The following ST3GAL3 variants were observed in gnomAD, a reference collection of about 807,000 sequenced individuals.
ST3GAL3 encodes ST3 beta-galactoside alpha-2,3-sialyltransferase 3.
A neutral mutation model predicts 50.1 loss-of-function variants in ST3GAL3; 21 were observed. The observed-to-expected ratio is 0.42, with a 90% CI of 0.30 to 0.60. The LOEUF is 0.60. Among genes scored for constraint, ST3GAL3 ranks in the 20% least tolerant of loss-of-function variants. The pLI is 0.19. For missense variants in ST3GAL3, 353 were observed against 489.4 expected (o/e 0.72, Z 2.63); for synonymous variants, 183 against 190.0 (o/e 0.96, Z 0.30).
intron 4 of ST3GAL3, among the ~76,000 whole-genome samples, chr1:43,833,695 T>A (rs1385280315): frequency 1.3e-5 from 2 of 151,936 alleles, no homozygotes; most frequent in African/African-American, 4.8e-5. Flanking sequence ...TTGTTGCCTG[T>A]GGAAATGAGA....
intron 2 of ST3GAL3, among the ~76,000 whole-genome samples, chr1:43,765,369 C>CT (rs1296080991): frequency 6.6e-6 from 1 of 152,194 alleles, no homozygotes; most frequent in Non-Finnish European, 1.5e-5. Context: ...AGTTCATGTG[C>CT]TTCCCTGCAG....
chr1:43,856,815 T>G (rs3791085), intron 5 of ST3GAL3, among the ~76,000 whole-genome samples: 1 of 152,262 alleles, frequency 6.6e-6, no homozygotes, highest in East Asian at 1.9e-4. Flanking sequence ...CTGAGCTTAC[T>G]GCCTCCTCCA....
At chr1:43,825,644 G>A (rs1424266990) in intron 4 of ST3GAL3, among the ~76,000 whole-genome samples, 4 of 152,202 alleles carry the variant, frequency 2.6e-5, no homozygotes, top group Non-Finnish European at 5.9e-5. Context: ...GAGATAACAA[G>A]GAGAAATATG....
At chr1:43,895,439 C>T (rs1216312532) in intron 6 of ST3GAL3, among the ~76,000 whole-genome samples, 1 of 152,186 alleles carries the variant, frequency 6.6e-6, no homozygotes, top group African/African-American at 2.4e-5. Context: ...ACTTATGGGT[C>T]AGGCACAGAG....
intron 5 of ST3GAL3, among the ~76,000 whole-genome samples, chr1:43,846,002 G>A (rs1342247307): frequency 3.3e-5 from 5 of 152,052 alleles, no homozygotes; most frequent in South Asian, 2.1e-4. Context: ...CCAAATATAC[G>A]TTATATGATT....
At chr1:43,837,876 C>T (rs1329118584) in intron 4 of ST3GAL3, among the ~76,000 whole-genome samples, 1 of 152,134 alleles carries the variant, frequency 6.6e-6, no homozygotes. Context: ...ACTTATTTAT[C>T]TATCTATTCC....
chr1:43,848,407 G>A lies in ST3GAL3; in HGVS notation c.302+10096G>A, dbSNP rs549187440. 7.2e-4 allele frequency among the ~76,000 whole-genome samples: 104 copies of A among 144,912 alleles called. 1 individual carries two copies. The highest frequency in any genetic ancestry group is 3.6e-3 in the Middle Eastern group (1 of 278). The stretch of plus-strand genomic sequence containing the variant: ...TGCAACCTCCGCCTCCTGGGTTCAA[G>A]CAATTCTCCTACCTCAGCCTCCCGA... On this transcript the variant is annotated intron_variant, in intron 5 of 11. Transcript: ENST00000347631.
At chr1:43,830,810 A>G (rs184302310) in intron 4 of ST3GAL3, among the ~76,000 whole-genome samples, 5 of 152,354 alleles carry the variant, frequency 3.3e-5, no homozygotes, top group East Asian at 3.9e-4. Context: ...CCCAATAGGC[A>G]TACATTTATG....
intron 2 of ST3GAL3, among the ~76,000 whole-genome samples, chr1:43,741,361 A>G (rs187994987): frequency 1.3e-5 from 2 of 152,182 alleles, no homozygotes; most frequent in African/African-American, 4.8e-5. Flanking sequence ...AATTAAATTC[A>G]TGCTACTGTG....
intron 5 of ST3GAL3, chr1:43,858,304 G>A: frequency 7.8e-7 from 1 of 1,275,612 alleles, no homozygotes; most frequent in Non-Finnish European, 1.0e-6. Context: ...ACTATGCTGG[G>A]AAAGGTGGGG....
rs147833202 is a variant in ST3GAL3, at chr1:43,734,386, C to G, written c.-30-1847C>G. ...GTGGCACGCTCACAACTCACTGCAG[C>G]CTCAACCTCCTGGGCTTAAAGGATC... On this transcript the variant is annotated intron_variant, in intron 1 of 11. Coordinates refer to ENST00000347631, the MANE Select transcript of ST3GAL3 (RefSeq NM_006279.5). 2.1e-4 allele frequency among the ~76,000 whole-genome samples: 32 copies of G among 149,260 alleles called. 1 individual carries two copies. The East Asian group carries it at 5.8e-3, about 27-fold the overall frequency.
At chr1:43,734,308 G>GTT (rs11338876) in intron 1 of ST3GAL3, among the ~76,000 whole-genome samples, 28 of 113,314 alleles carry the variant, frequency 2.5e-4, no homozygotes, top group African/African-American at 3.8e-4. Flanking sequence ...TTTTTTTTTT[G>GTT]TTTTTTTTTT....
chr1:43,879,502 A>T, intron 5 of ST3GAL3: 1 of 442,770 alleles, frequency 2.3e-6, no homozygotes. Context: ...GTAGCAGTGG[A>T]GAGAGGTAAG....
chr1:43,771,690 T>TA (rs1283874229), intron 2 of ST3GAL3, among the ~76,000 whole-genome samples: 1 of 151,792 alleles, frequency 6.6e-6, no homozygotes, highest in African/African-American at 2.4e-5. Flanking sequence ...TTTTGACCCC[T>TA]AATTTAGTCC....
At chr1:43,908,210 G>A (rs1370982464) in intron 9 of ST3GAL3, among the ~76,000 whole-genome samples, 1 of 152,148 alleles carries the variant, frequency 6.6e-6, no homozygotes, top group African/African-American at 2.4e-5. Flanking sequence ...TTCTAAATCT[G>A]TCTGGCTTGG....
chr1:43,726,285 T>A (rs938275249), intron 1 of ST3GAL3, among the ~76,000 whole-genome samples: 26 of 152,154 alleles, frequency 1.7e-4, no homozygotes, highest in East Asian at 3.9e-4. Context: ...ATATCTTATT[T>A]TTTATTTATT....
chr1:43,770,248 AGGGGAG>A (rs1694593816), intron 2 of ST3GAL3, among the ~76,000 whole-genome samples: 1 of 68,930 alleles, frequency 1.5e-5, no homozygotes, highest in Admixed American at 2.0e-4. Context: ...AGGAGAGGGG[AGGGGAG>A]GAGAGGAGAG....
intron 2 of ST3GAL3, among the ~76,000 whole-genome samples, chr1:43,765,743 CTGTGTGTGTCTGTGTGTGTGTGTG>C (rs1468811306): frequency 7.1e-6 from 1 of 140,798 alleles, no homozygotes; most frequent in Non-Finnish European, 1.6e-5. Context: ...ATGTGTGTGT[CTGTGTGTGTCTGTGTGTGTGTGTG>C]TGTGTGTGTG....
intron 9 of ST3GAL3, among the ~76,000 whole-genome samples, chr1:43,916,360 G>T (rs1276734242): frequency 6.6e-6 from 1 of 152,130 alleles, no homozygotes; most frequent in Non-Finnish European, 1.5e-5. Flanking sequence ...GATCTGTACC[G>T]TTCTAAGCAG....
Sources: gnomAD v4.1 joint callset for allele counts (sites outside exome capture counted in the v4.1 genomes callset) on GRCh38, gnomAD v4.1.1 for gene constraint, MANE v1.5 for transcripts, NCBI Gene and HGNC (gene_info 2026-07-23, HGNC 2026-07-21) for gene names.